PRPF3: variants seen among roughly 807,000 people sequenced by gnomAD.
PRPF3 encodes pre-mRNA processing factor 3.
PRPF3 carries 3 observed loss-of-function variants against 89.2 expected under a neutral mutation model. The observed-to-expected ratio is 0.03, with a 90% CI of 0.02 to 0.09. PRPF3 has a LOEUF of 0.09. Among genes scored for constraint, PRPF3 ranks in the 10% least tolerant of loss-of-function variants. The pLI, the probability that PRPF3 is intolerant of heterozygous loss-of-function variation, is 1.00. For synonymous variants in PRPF3, 270 were observed against 289.1 expected, an observed-to-expected ratio of 0.93 and a Z score of 0.67; for missense variants, 463 against 828.8, an observed-to-expected ratio of 0.56 and a Z score of 5.42.
chr1:150,338,783 G>A (rs1553869052), intron 8 of PRPF3, among the ~76,000 whole-genome samples: 2 of 152,128 alleles, frequency 1.3e-5, no homozygotes, highest in Non-Finnish European at 2.9e-5. Flanking sequence ...CCAAAGTGCT[G>A]GGATTACAGG....
intron 3 of PRPF3, chr1:150,327,436 T>C (rs587704247): frequency 4.3e-6 from 1 of 233,572 alleles, no homozygotes; most frequent in South Asian, 1.6e-4. Flanking sequence ...GTGGGATTAA[T>C]AAAAATGGCT....
intron 14 of PRPF3, among the ~76,000 whole-genome samples, chr1:150,347,821 A>G (rs1658448957): frequency 6.6e-6 from 1 of 152,148 alleles, no homozygotes; most frequent in Admixed American, 6.6e-5. Context: ...AGATTAGCCT[A>G]CAGTTGGGCA....
At chr1:150,324,250 C>T (rs782365512) in intron 1 of PRPF3, among the ~76,000 whole-genome samples, 1 of 152,078 alleles carries the variant, frequency 6.6e-6, no homozygotes, top group Non-Finnish European at 1.5e-5. Context: ...TCTGGATGGG[C>T]TTTTTTAGTT....
At chr1:150,339,743 T>G (rs1572246946) in intron 8 of PRPF3, among the ~76,000 whole-genome samples, 2 of 148,450 alleles carry the variant, frequency 1.3e-5, no homozygotes, top group South Asian at 4.3e-4. Flanking sequence ...TGGCGTTTTT[T>G]TTTTTTTTTT....
intron 3 of PRPF3, 45 bp downstream of exon 3, chr1:150,325,926 TG>T: frequency 6.2e-7 from 1 of 1,604,582 alleles, no homozygotes. Context: ...CTGTTTTGAA[TG>T]GTAACAGAGT....
At chr1:150,322,543 C>G (rs112565009) in intron 1 of PRPF3, among the ~76,000 whole-genome samples, 5 of 152,150 alleles carry the variant, frequency 3.3e-5, no homozygotes, top group Admixed American at 6.6e-5. Context: ...CGCTGTATGT[C>G]TACTCATTGT....
At chr1:150,347,707 G>A (rs137959026) in intron 14 of PRPF3, among the ~76,000 whole-genome samples, 1,981 of 150,198 alleles carry the variant, frequency 0.013, 29 homozygotes, top group Non-Finnish European at 0.022. Context: ...CAGCCTAAGC[G>A]ACAGAGCAAG....
At position 150,346,022 on chromosome 1, in the gene PRPF3, C is replaced by G; in HGVS notation, c.1645C>G (p.Arg549Gly). The change falls in exon 13 of 16, where the codon CGA becomes GGA. Residue 549 changes from arginine to glycine, a missense_variant. This residue lies in a region of PRPF3 where 261 missense variants were observed against 475.8 expected (regional missense o/e 0.55). Transcript: ENST00000324862. ...ACTAAACTTTCCCTTCTCCAGAGTT[C>G]GAAATTTGAGCAACCCAGCCAAGAA... ...QGVHISVYRV[R>G]NLSNPAKKFK... The G allele has an allele frequency of 1.2e-6, 2 of 1,613,758 alleles. No individual in the cohort carries two copies. Among genetic ancestry groups the G allele is most frequent in the Non-Finnish European group, 1.7e-6 (2 of 1,179,762 alleles).
At chr1:150,323,173 C>CTTTGTTTTTTT (rs1655278344) in intron 1 of PRPF3, among the ~76,000 whole-genome samples, 2 of 48,270 alleles carry the variant, frequency 4.1e-5, no homozygotes, top group Non-Finnish European at 6.6e-5. Flanking sequence ...CCGCACCTGG[C>CTTTGTTTTTTT]TTTTTTTTTT....
chr1:150,335,877 T>C (rs1401271165), intron 7 of PRPF3, among the ~76,000 whole-genome samples: 3 of 151,918 alleles, frequency 2.0e-5, no homozygotes, highest in Non-Finnish European at 1.5e-5. Flanking sequence ...CAAGCAATTC[T>C]CCTGCCTCAG....
intron 9 of PRPF3, among the ~76,000 whole-genome samples, chr1:150,342,756 C>T (rs1307667666): frequency 3.3e-5 from 5 of 151,940 alleles, no homozygotes; most frequent in Non-Finnish European, 7.4e-5. Context: ...CTCTTGACCT[C>T]GTGATCTGCC....
intron 14 of PRPF3, 81 bp downstream of exon 14, chr1:150,346,572 C>T (rs1017311964): frequency 7.3e-6 from 10 of 1,362,758 alleles, no homozygotes; most frequent in Admixed American, 5.1e-5. Context: ...CTTATTTCCT[C>T]CCTGTGACAC....
At chr1:150,340,346 T>C in intron 8 of PRPF3, 52 bp from the exon 9 acceptor site, 1 of 1,335,192 alleles carries the variant, frequency 7.5e-7, no homozygotes, top group Non-Finnish European at 1.1e-6. Context: ...ACTCCTCTCT[T>C]AGAATCATCT....
chr1:150,341,229 G>A (rs1657677021), intron 9 of PRPF3, among the ~76,000 whole-genome samples: 1 of 151,118 alleles, frequency 6.6e-6, no homozygotes, highest in South Asian at 2.1e-4. Flanking sequence ...TCCTTTTATA[G>A]AACCACATGT....
Position 150,340,405 on chromosome 1 carries a change from GA to G in PRPF3, c.1214del (p.Asn405IlefsTer64). 6.3e-7 allele frequency: 1 copy of G among 1,596,876 alleles called. No individual in the cohort carries two copies. Among genetic ancestry groups the G allele is most frequent in the Non-Finnish European group, 8.6e-7 (1 of 1,164,480 alleles). On this transcript the variant is annotated frameshift_variant, in exon 9 of 16. Transcript: ENST00000324862. LOFTEE classifies it high-confidence loss of function. ...IIPNGFDLTE[E>X]NPKREDYFGI... Reference sequence around the variant, plus strand: ...TTCTTCCTACAATTTTAGTACAGAGGAAAATCCCAAGAGAGAAGATTATTTT... The same window carrying G: ...TTCTTCCTACAATTTTAGTACAGAGGAAATCCCAAGAGAGAAGATTATTTT...
intron 4 of PRPF3, among the ~76,000 whole-genome samples, chr1:150,329,172 T>C (rs1656055383): frequency 6.6e-6 from 1 of 151,324 alleles, no homozygotes; most frequent in African/African-American, 2.4e-5. Context: ...TGGGACTACA[T>C]GCGAACACCA....
intron 10 of PRPF3, among the ~76,000 whole-genome samples, 175 bp downstream of exon 10, chr1:150,343,627 C>A (rs1176882822): frequency 6.6e-6 from 1 of 152,202 alleles, no homozygotes; most frequent in Admixed American, 6.5e-5. Flanking sequence ...TCAACACATT[C>A]ATTATAGAGG....
chr1:150,330,838 C>T (rs912636086), intron 4 of PRPF3, among the ~76,000 whole-genome samples: 9 of 149,620 alleles, frequency 6.0e-5, no homozygotes, highest in Non-Finnish European at 8.9e-5. Flanking sequence ...TGCCTCAGTC[C>T]CTTGAGTAGC....
intron 15 of PRPF3, among the ~76,000 whole-genome samples, chr1:150,350,689 A>G (rs1325033514): frequency 6.6e-6 from 1 of 152,164 alleles, no homozygotes. Flanking sequence ...GACCCAGCAC[A>G]GTGGCTCACG....
Sources: gnomAD v4.1 joint callset for allele counts (sites outside exome capture counted in the v4.1 genomes callset) on GRCh38, gnomAD v4.1.1 for gene constraint, gnomAD v4.1.1 regional missense constraint, MANE v1.5 for transcripts, NCBI Gene and HGNC (gene_info 2026-07-23, HGNC 2026-07-21) for gene names.